The following KHDRBS2 variants were observed in gnomAD, a reference collection of about 807,000 sequenced individuals.
KHDRBS2 encodes the protein KH domain-containing, RNA-binding, signal transduction-associated protein 2.
In KHDRBS2, 26 loss-of-function variants were observed where a neutral mutation model predicts 44.3. The observed-to-expected ratio is 0.59, with a 90% confidence interval of 0.43 to 0.81. The LOEUF is 0.81. KHDRBS2 is among the 40% of genes least tolerant of loss of function. The probability of loss-of-function intolerance (pLI) is 0.00; values close to 1 mark genes in which losing one functional copy is unlikely to be tolerated. For missense variants in KHDRBS2, 476 were observed against 433.1 expected (o/e 1.10, Z -0.88); for synonymous variants, 194 against 151.1 (o/e 1.28, Z -2.08).
chr6:61,596,263 C>G, the KHDRBS2 span, among the ~76,000 whole-genome samples: 1 of 152,174 alleles, frequency 6.6e-6, no homozygotes, highest in African/African-American at 2.4e-5. Context: ...ATTACAGAGG[C>G]AACAGTTTCA....
chr6:61,655,867 G>A, the KHDRBS2 span, among the ~76,000 whole-genome samples: 1 of 151,996 alleles, frequency 6.6e-6, no homozygotes, highest in Non-Finnish European at 1.5e-5. Flanking sequence ...CTGAGATGTG[G>A]AGTTTGTTTG....
intron 1 of KHDRBS2, among the ~76,000 whole-genome samples, chr6:62,253,853 A>AT (rs1836943167): frequency 6.6e-6 from 1 of 151,928 alleles, no homozygotes; most frequent in Non-Finnish European, 1.5e-5. Context: ...AAATCATAAA[A>AT]TTTTGCTATT....
chr6:62,048,304 G>T (rs1584355827), intron 2 of KHDRBS2, among the ~76,000 whole-genome samples: 2 of 151,736 alleles, frequency 1.3e-5, no homozygotes, highest in East Asian at 3.9e-4. Flanking sequence ...AGAAACTAAG[G>T]ACAATCATGC....
chr6:61,845,629 A>T (rs1487788609), intron 6 of KHDRBS2, among the ~76,000 whole-genome samples: 2 of 152,098 alleles, frequency 1.3e-5, no homozygotes, highest in Non-Finnish European at 2.9e-5. Flanking sequence ...ACAGTTCTTC[A>T]TGTCACCTTT....
chr6:62,264,858 C>T (rs970322115), intron 1 of KHDRBS2, among the ~76,000 whole-genome samples: 1 of 151,638 alleles, frequency 6.6e-6, no homozygotes, highest in African/African-American at 2.4e-5. Context: ...AATTAGGTGG[C>T]ATTAAAGGTC....
At chr6:61,958,600 T>G (rs961700634) in intron 4 of KHDRBS2, among the ~76,000 whole-genome samples, 1 of 152,210 alleles carries the variant, frequency 6.6e-6, no homozygotes, top group Non-Finnish European at 1.5e-5. Flanking sequence ...TGAATTTGCA[T>G]CACTCGGAAT....
intron 7 of KHDRBS2, among the ~76,000 whole-genome samples, chr6:61,704,432 C>G (rs1388830536): frequency 7.3e-5 from 11 of 151,620 alleles, no homozygotes; most frequent in Admixed American, 5.3e-4. Flanking sequence ...AATGAAGAAG[C>G]CTTATGGTAG....
At chr6:62,173,432 G>T (rs1198767328) in intron 2 of KHDRBS2, among the ~76,000 whole-genome samples, 1 of 151,918 alleles carries the variant, frequency 6.6e-6, no homozygotes, top group Non-Finnish European at 1.5e-5. Flanking sequence ...TTCCAAAATT[G>T]AATCAGTAAT....
the KHDRBS2 span, among the ~76,000 whole-genome samples, chr6:61,550,002 ATATT>A: frequency 6.6e-6 from 1 of 152,150 alleles, no homozygotes; most frequent in Non-Finnish European, 1.5e-5. Flanking sequence ...AAAGACATGA[ATATT>A]TATTTAATCC....
At chr6:61,589,823 C>T in the KHDRBS2 span, among the ~76,000 whole-genome samples, 3 of 152,012 alleles carry the variant, frequency 2.0e-5, no homozygotes, top group African/African-American at 7.2e-5. Context: ...GTTTTATTTC[C>T]CTTACAGAGG....
chr6:61,699,519 T>A (rs6939692), intron 7 of KHDRBS2, among the ~76,000 whole-genome samples: 4,263 of 151,922 alleles, frequency 0.028, 219 homozygotes, highest in African/African-American at 0.099. Flanking sequence ...CCAAATCATA[T>A]AAGGGCTGAG....
chr6:62,172,402 C>T (rs1414141652), intron 2 of KHDRBS2, among the ~76,000 whole-genome samples: 1 of 152,020 alleles, frequency 6.6e-6, no homozygotes, highest in African/African-American at 2.4e-5. Flanking sequence ...AGCATATATG[C>T]ATGCAACATA....
chr6:61,582,872 T>C, the KHDRBS2 span, among the ~76,000 whole-genome samples: 1 of 151,824 alleles, frequency 6.6e-6, no homozygotes, highest in Non-Finnish European at 1.5e-5. Context: ...TTTGTATGTA[T>C]TCTTGCTATA....
At chr6:61,795,602 G>A (rs1785228745) in intron 6 of KHDRBS2, among the ~76,000 whole-genome samples, 2 of 152,112 alleles carry the variant, frequency 1.3e-5, no homozygotes, top group African/African-American at 4.8e-5. Flanking sequence ...TTTTGTTCTA[G>A]TTTTATTTCT....
chr6:61,947,380 C>T (rs1402050260), intron 4 of KHDRBS2, among the ~76,000 whole-genome samples: 1 of 152,144 alleles, frequency 6.6e-6, no homozygotes, highest in African/African-American at 2.4e-5. Flanking sequence ...AAATGACAAG[C>T]ATTTTCATAG....
intron 6 of KHDRBS2, chr6:61,816,527 T>C: frequency 2.7e-6 from 1 of 372,024 alleles, no homozygotes; most frequent in Non-Finnish European, 5.4e-6. Context: ...CCCTGTGTCT[T>C]AAAAGGAGCA....
At chr6:62,197,484 T>C (rs1825941097) in intron 1 of KHDRBS2, among the ~76,000 whole-genome samples, 1 of 152,158 alleles carries the variant, frequency 6.6e-6, no homozygotes, top group Non-Finnish European at 1.5e-5. Flanking sequence ...ATAATGGGTC[T>C]TGAAGGAGTT....
chr6:62,236,378 T>A (rs1277595454), intron 1 of KHDRBS2, among the ~76,000 whole-genome samples: 1 of 152,010 alleles, frequency 6.6e-6, no homozygotes, highest in African/African-American at 2.4e-5. Context: ...AAGTTCTCTA[T>A]TTCTGATTTT....
chr6:62,031,690 G>A (rs1216531867), intron 3 of KHDRBS2, among the ~76,000 whole-genome samples: 1 of 152,064 alleles, frequency 6.6e-6, no homozygotes, highest in Non-Finnish European at 1.5e-5. Context: ...GTGTCTTGTG[G>A]GTTGAGTGTC....
Sources: allele counts gnomAD v4.1 joint callset (sites outside exome capture counted in the v4.1 genomes callset), GRCh38; gene constraint gnomAD v4.1.1; transcripts MANE v1.5; gene names NCBI Gene and HGNC (gene_info 2026-07-23, HGNC 2026-07-21).